The following WWOX variants were observed in gnomAD, a reference collection of about 807,000 sequenced individuals.
WWOX encodes the protein WW domain containing oxidoreductase, also known as WW domain-containing oxidoreductase.
Under a neutral mutation model 46.2 loss-of-function variants are expected in WWOX, and 69 were observed. The ratio of observed to expected loss-of-function variants is 1.49; its 90% CI spans 1.23 to 1.82. The LOEUF (loss-of-function observed/expected upper bound fraction) is 1.82. Ranked by LOEUF, WWOX falls within the 40% of genes most tolerant of loss-of-function variation. WWOX has a pLI of 0.00. For missense variants in WWOX, 919 were observed against 542.6 expected (o/e 1.69, Z -6.89); for synonymous variants, 359 against 202.6 (o/e 1.77, Z -6.56).
At chr16:79,152,188 G>A (rs1180285637) in intron 8 of WWOX, among the ~76,000 whole-genome samples, 4 of 152,108 alleles carry the variant, frequency 2.6e-5, no homozygotes, top group Non-Finnish European at 5.9e-5. Context: ...CCTCCCCCAC[G>A]CGAGGCGAGG....
chr16:78,872,388 A>C (rs1456327614), intron 8 of WWOX, among the ~76,000 whole-genome samples: 1 of 152,218 alleles, frequency 6.6e-6, no homozygotes, highest in Admixed American at 6.5e-5. Flanking sequence ...TAACGTCATT[A>C]TTATGAAAAT....
At chr16:79,165,919 C>T in intron 8 of WWOX, among the ~76,000 whole-genome samples, 1 of 152,224 alleles carries the variant, frequency 6.6e-6, no homozygotes, top group East Asian at 1.9e-4. Context: ...CTAATCAACT[C>T]AATTACCAGC....
intron 8 of WWOX, among the ~76,000 whole-genome samples, chr16:78,530,307 G>T (rs1162870143): frequency 6.6e-6 from 1 of 152,140 alleles, no homozygotes; most frequent in African/African-American, 2.4e-5. Context: ...CCCACATCTG[G>T]GTTCTTGTCC....
chr16:79,014,610 C>T (rs570089153), intron 8 of WWOX, among the ~76,000 whole-genome samples: 97 of 152,298 alleles, frequency 6.4e-4, no homozygotes, highest in Non-Finnish European at 1.2e-3. Flanking sequence ...GCTTTTTGAG[C>T]AGCTACTCAG....
chr16:78,596,182 T>C (rs976952452), intron 8 of WWOX, among the ~76,000 whole-genome samples: 1 of 152,226 alleles, frequency 6.6e-6, no homozygotes, highest in African/African-American at 2.4e-5. Flanking sequence ...TTGAGTGATA[T>C]CAACAAAACA....
At chr16:79,096,385 G>T (rs1161564065) in intron 8 of WWOX, among the ~76,000 whole-genome samples, 1 of 152,060 alleles carries the variant, frequency 6.6e-6, no homozygotes, top group Admixed American at 6.6e-5. Flanking sequence ...CATTGGCTCT[G>T]TTCTTCCTGC....
At chr16:79,143,149 A>G (rs945952501) in intron 8 of WWOX, among the ~76,000 whole-genome samples, 10 of 152,182 alleles carry the variant, frequency 6.6e-5, no homozygotes, top group African/African-American at 2.2e-4. Context: ...TGGTCTTCCA[A>G]ATTTAATGCC....
intron 5 of WWOX, among the ~76,000 whole-genome samples, chr16:78,367,837 A>G (rs2081575770): frequency 6.6e-6 from 1 of 151,736 alleles, no homozygotes; most frequent in African/African-American, 2.4e-5. Flanking sequence ...GCTCACTGCA[A>G]CCTCTGCCTC....
rs79854667 is a variant in WWOX, at chr16:78,871,293, C to G, written c.1057-340315C>G. On this transcript the variant is annotated intron_variant, in intron 8 of 8. Transcript: ENST00000566780. Reference sequence around the variant, plus strand: ...TCCTTATTCTTATAACCTGTATGCACTGCTGAACCTGCTGAATAACCATGT... The same window carrying G: ...TCCTTATTCTTATAACCTGTATGCAGTGCTGAACCTGCTGAATAACCATGT... Among the ~76,000 whole-genome samples the G allele has an allele frequency of 3.3e-3, 499 of 152,050 alleles. 2 individuals carry two copies. The highest frequency in any genetic ancestry group is 0.011 in the African/African-American group (477 of 41,482).
intron 8 of WWOX, among the ~76,000 whole-genome samples, chr16:78,708,828 A>T (rs2048378618): frequency 6.6e-6 from 1 of 152,216 alleles, no homozygotes; most frequent in Non-Finnish European, 1.5e-5. Flanking sequence ...TAAAAAAATT[A>T]TTTTTCACAG....
At chr16:78,738,391 C>G (rs1399066345) in intron 8 of WWOX, among the ~76,000 whole-genome samples, 2 of 152,128 alleles carry the variant, frequency 1.3e-5, no homozygotes, top group Admixed American at 6.5e-5. Context: ...TTTGAAGATT[C>G]TCCCTGTGTA....
At chr16:78,829,725 A>T (rs568282159) in intron 8 of WWOX, among the ~76,000 whole-genome samples, 2 of 152,212 alleles carry the variant, frequency 1.3e-5, no homozygotes, top group East Asian at 1.9e-4. Context: ...ATCTTCCCCA[A>T]CCTAAGGAAA....
intron 8 of WWOX, among the ~76,000 whole-genome samples, chr16:78,854,639 G>T (rs2052525790): frequency 6.6e-6 from 1 of 152,138 alleles, no homozygotes; most frequent in Non-Finnish European, 1.5e-5. Context: ...GGAGTGCAGT[G>T]GCGCGATCTC....
At chr16:78,807,647 C>A (rs775338032) in intron 8 of WWOX, among the ~76,000 whole-genome samples, 1 of 152,162 alleles carries the variant, frequency 6.6e-6, no homozygotes, top group Non-Finnish European at 1.5e-5. Context: ...GAAATATTCT[C>A]TTAGATTGAA....
intron 8 of WWOX, among the ~76,000 whole-genome samples, chr16:78,594,301 T>C (rs1224086131): frequency 3.9e-5 from 6 of 152,012 alleles, no homozygotes. Context: ...TTCCGTAGAC[T>C]GTTTTTTTTG....
intron 8 of WWOX, among the ~76,000 whole-genome samples, chr16:78,521,788 T>G (rs1336357778): frequency 6.6e-6 from 1 of 152,174 alleles, no homozygotes; most frequent in African/African-American, 2.4e-5. Context: ...AACTTGTTTT[T>G]TTTTTTGGCA....
intron 8 of WWOX, among the ~76,000 whole-genome samples, chr16:78,672,355 A>G (rs530149970): frequency 1.1e-4 from 17 of 152,332 alleles, no homozygotes; most frequent in African/African-American, 1.7e-4. Flanking sequence ...TTTGCACTCT[A>G]TAGCCAAGTG....
At chr16:78,419,922 G>A (rs72797963) in intron 6 of WWOX, among the ~76,000 whole-genome samples, 8,542 of 152,002 alleles carry the variant, frequency 0.056, 281 homozygotes, top group South Asian at 0.14. Flanking sequence ...CTAGAATAAA[G>A]AACTTTTACA....
At chr16:79,198,720 T>C (rs769010859) in intron 8 of WWOX, among the ~76,000 whole-genome samples, 4 of 152,228 alleles carry the variant, frequency 2.6e-5, no homozygotes, top group Non-Finnish European at 5.9e-5. Flanking sequence ...TGCTTAACTT[T>C]TCTGGACTTT....
Sources: gnomAD v4.1 joint callset for allele counts (sites outside exome capture counted in the v4.1 genomes callset) on GRCh38, gnomAD v4.1.1 for gene constraint, MANE v1.5 for transcripts, NCBI Gene and HGNC (gene_info 2026-07-23, HGNC 2026-07-21) for gene names.